Variants in CCDC30 observed in about 807,000 individuals in gnomAD.
CCDC30 encodes the protein coiled-coil domain containing 30.
A neutral mutation model predicts 100.2 loss-of-function variants in CCDC30; 70 were observed. The observed-to-expected ratio is 0.70, with a 90% CI of 0.58 to 0.85. CCDC30 has a LOEUF of 0.85. Among genes scored for constraint, CCDC30 ranks in the 40% least tolerant of loss-of-function variants. The pLI is 0.00. For missense variants in CCDC30, 652 were observed against 771.2 expected, an observed-to-expected ratio of 0.85 and a Z score of 1.83; for synonymous variants, 233 against 269.5, an observed-to-expected ratio of 0.86 and a Z score of 1.33.
chr1:42,519,022 A>T (rs1350170989), intron 6 of CCDC30, among the ~76,000 whole-genome samples: 1 of 152,178 alleles, frequency 6.6e-6, no homozygotes, highest in Non-Finnish European at 1.5e-5. Context: ...CTTTTTCTGT[A>T]TCAACTGAGA....
chr1:42,537,969 CAAA>C (rs573354651), intron 6 of CCDC30: 19 of 123,678 alleles, frequency 1.5e-4, no homozygotes, highest in Middle Eastern at 4.0e-3. Context: ...AACTCCATCT[CAAA>C]AAAAAAAAAA....
chr1:42,457,614 G>GA, the CCDC30 span: 1 of 479,306 alleles, frequency 2.1e-6, no homozygotes, highest in African/African-American at 2.0e-5. Flanking sequence ...AATCCTGGGG[G>GA]AGTCGATGAA....
intron 6 of CCDC30, among the ~76,000 whole-genome samples, chr1:42,532,612 G>A (rs983424808): frequency 6.6e-6 from 1 of 152,140 alleles, no homozygotes; most frequent in African/African-American, 2.4e-5. Context: ...CCCAATAACA[G>A]CGTTAGAAAT....
intron 10 of CCDC30, among the ~76,000 whole-genome samples, chr1:42,606,399 T>A (rs1458310874): frequency 6.6e-6 from 1 of 152,150 alleles, no homozygotes; most frequent in Non-Finnish European, 1.5e-5. Flanking sequence ...CGTTTCAGAC[T>A]CCCTAGTAGC....
exon 1 of CCDC30, chr1:42,463,697 C>G (rs778021473): frequency 4.6e-5 from 7 of 152,152 alleles, no homozygotes; most frequent in Non-Finnish European, 8.8e-5. Context: ...GGTGAGGTGT[C>G]GAGACGCGCC....
chr1:42,519,403 A>C (rs1433352846), intron 6 of CCDC30, among the ~76,000 whole-genome samples: 1 of 152,222 alleles, frequency 6.6e-6, no homozygotes, highest in Admixed American at 6.5e-5. Flanking sequence ...TAATGAAGCC[A>C]TCAGATCTAG....
At chr1:42,646,027 A>C in intron 14 of CCDC30, 108 bp from the exon 19 acceptor site, 1 of 1,381,082 alleles carries the variant, frequency 7.2e-7, no homozygotes, top group Non-Finnish European at 9.6e-7. Context: ...CACATGGATC[A>C]GAACTATAGC....
At chr1:42,467,722 A>G (rs1307375609) in intron 1 of CCDC30, 1 of 152,244 alleles carries the variant, frequency 6.6e-6, no homozygotes, top group Non-Finnish European at 1.5e-5. Context: ...CTCAGAGGCC[A>G]TATTTGTACC....
intron 6 of CCDC30, among the ~76,000 whole-genome samples, chr1:42,561,277 C>T (rs111294812): frequency 2.0e-5 from 3 of 152,324 alleles, no homozygotes; most frequent in South Asian, 2.1e-4. Flanking sequence ...CTGGCTTCAT[C>T]ACTGGGATGC....
chr1:42,456,962 A>T, the CCDC30 span: 967 of 1,604,040 alleles, frequency 6.0e-4, 4 homozygotes, highest in Non-Finnish European at 7.4e-4. Context: ...TGAGGCTCTG[A>T]GGAGCTACCA....
intron 4 of CCDC30, chr1:42,491,903 C>A: frequency 2.0e-6 from 1 of 502,564 alleles, no homozygotes; most frequent in Non-Finnish European, 3.5e-6. Flanking sequence ...CTCGAGGAAC[C>A]AAAATTGCAT....
At chr1:42,646,272 G>C in exon 15 of CCDC30, 2 of 1,549,060 alleles carry the variant, frequency 1.3e-6, no homozygotes, top group Non-Finnish European at 1.7e-6. Flanking sequence ...ATGAGGATGA[G>C]TCAGTTCCTG....
intron 9 of CCDC30, among the ~76,000 whole-genome samples, chr1:42,585,412 T>C (rs973862877): frequency 1.3e-5 from 2 of 152,084 alleles, no homozygotes; most frequent in Admixed American, 6.6e-5. Context: ...ATTTTTTATA[T>C]TATTAATATT....
intron 7 of CCDC30, 55 bp downstream of exon 11, chr1:42,566,530 A>G: frequency 7.0e-7 from 1 of 1,428,564 alleles, no homozygotes; most frequent in Admixed American, 1.9e-5. Flanking sequence ...CCTGGGAATA[A>G]ACGAATCTAA....
At chr1:42,583,258 T>A (rs1489640770) in intron 9 of CCDC30, among the ~76,000 whole-genome samples, 1 of 152,192 alleles carries the variant, frequency 6.6e-6, no homozygotes, top group Non-Finnish European at 1.5e-5. Flanking sequence ...TCACCATAAA[T>A]TTGATGTTTG....
intron 8 of CCDC30, 118 bp downstream of exon 12, chr1:42,577,347 T>C: frequency 1.4e-6 from 1 of 711,536 alleles, no homozygotes; most frequent in Non-Finnish European, 2.3e-6. Context: ...TAAGATTTTT[T>C]TTCTCTCCCA....
intron 14 of CCDC30, 63 bp from the exon 19 acceptor site, chr1:42,646,072 A>G: frequency 6.7e-7 from 1 of 1,502,560 alleles, no homozygotes; most frequent in Non-Finnish European, 8.9e-7. Flanking sequence ...TGTCAAAGGT[A>G]CTAACTTCTA....
At chr1:42,546,430 A>ATATGTATATATATGTATATATATG (rs1553192920) in intron 6 of CCDC30, among the ~76,000 whole-genome samples, 3 of 105,366 alleles carry the variant, frequency 2.8e-5, no homozygotes, top group Non-Finnish European at 6.0e-5. Flanking sequence ...ATATATATAT[A>ATATGTATATATATGTATATATATG]TATATATATA....
chr1:42,566,594 G>C, intron 7 of CCDC30, 119 bp downstream of exon 11: 5 of 765,222 alleles, frequency 6.5e-6, no homozygotes, highest in Non-Finnish European at 1.0e-5. Flanking sequence ...GACAATGTGA[G>C]CTATCTGGTA....
Sources: gnomAD v4.1 joint callset for allele counts (sites outside exome capture counted in the v4.1 genomes callset) on GRCh38, gnomAD v4.1.1 for gene constraint, MANE v1.5 for transcripts, NCBI Gene and HGNC (gene_info 2026-07-23, HGNC 2026-07-21) for gene names.